Variants in CCDC152 observed in about 807,000 individuals in gnomAD.
CCDC152 encodes coiled-coil domain-containing protein 152.
In CCDC152, 37 loss-of-function variants were observed where a neutral mutation model predicts 38.1. The observed-to-expected ratio is 0.97, with a 90% CI of 0.75 to 1.28. The LOEUF is 1.28. Ranked by LOEUF, CCDC152 falls within the 50% of genes most tolerant of loss-of-function variation. The pLI is 0.00. For synonymous variants in CCDC152, 83 were observed against 87.1 expected (o/e 0.95, Z 0.26); for missense variants, 259 against 292.1 (o/e 0.89, Z 0.83).
At chr5:42,798,073 C>T (rs1202389944) in intron 7 of CCDC152, among the ~76,000 whole-genome samples, 2 of 152,154 alleles carry the variant, frequency 1.3e-5, no homozygotes, top group African/African-American at 2.4e-5. Flanking sequence ...ATCACTTGAA[C>T]CCGGGAGGCA....
chr5:42,783,185 AAAAT>A (rs1439237419), intron 5 of CCDC152, among the ~76,000 whole-genome samples: 1 of 152,146 alleles, frequency 6.6e-6, no homozygotes, highest in East Asian at 1.9e-4. Flanking sequence ...TTTAAATTAA[AAAAT>A]AAATACTTTA....
chr5:42,767,950 G>T (rs546551914), intron 3 of CCDC152, among the ~76,000 whole-genome samples: 1 of 152,150 alleles, frequency 6.6e-6, no homozygotes, highest in Non-Finnish European at 1.5e-5. Context: ...TAATTTAACC[G>T]TTATTCTCTT....
intron 5 of CCDC152, among the ~76,000 whole-genome samples, chr5:42,782,496 A>G (rs888493120): frequency 4.6e-5 from 7 of 152,198 alleles, no homozygotes; most frequent in Admixed American, 1.3e-4. Context: ...TTCATGAAGC[A>G]GAGAGTAGAG....
intron 6 of CCDC152, among the ~76,000 whole-genome samples, chr5:42,784,717 A>G (rs188137056): frequency 1.1e-4 from 17 of 151,748 alleles, no homozygotes; most frequent in Non-Finnish European, 1.8e-4. Context: ...TTCTTTTAGG[A>G]TTTTTATAGT....
Position 42,800,621 on chromosome 5 carries a change from T to C in CCDC152, c.*840T>C. The C allele has an allele frequency of 7.3e-7, 1 of 1,379,018 alleles. No homozygotes were observed. Among genetic ancestry groups the C allele is most frequent in the South Asian group, 1.5e-5 (1 of 67,316 alleles). The allele number at this position is 1,379,018 out of a possible 1,614,324, so 85.4% of individuals were successfully genotyped here. ...AGATTTCTCCATGTTTGCACAAATC[T>C]AATTTCTATTTTTGGTTCACTAATT... is the stretch of plus-strand genomic sequence containing the variant. On this transcript the variant is annotated 3_prime_UTR_variant, in exon 9 of 9. Coordinates refer to ENST00000361970, the MANE Select transcript of CCDC152 (RefSeq NM_001134848.2).
At chr5:42,766,812 A>C (rs1759630207) in intron 3 of CCDC152, among the ~76,000 whole-genome samples, 1 of 147,862 alleles carries the variant, frequency 6.8e-6, no homozygotes, top group Admixed American at 6.8e-5. Context: ...GAGTATAAAA[A>C]AATAGAAAGA....
At chr5:42,787,827 T>C (rs1452060441) in intron 6 of CCDC152, among the ~76,000 whole-genome samples, 1 of 152,208 alleles carries the variant, frequency 6.6e-6, no homozygotes, top group Non-Finnish European at 1.5e-5. Context: ...CCCTTTACTT[T>C]GAACCTATGG....
chr5:42,784,897 G>T (rs1759898727), intron 6 of CCDC152, among the ~76,000 whole-genome samples: 1 of 151,746 alleles, frequency 6.6e-6, no homozygotes, highest in African/African-American at 2.4e-5. Context: ...TAGAATTTTT[G>T]AACATTAGTT....
At chr5:42,777,647 C>T (rs545940330) in intron 4 of CCDC152, among the ~76,000 whole-genome samples, 34 of 152,288 alleles carry the variant, frequency 2.2e-4, no homozygotes, top group Non-Finnish European at 5.9e-5. Flanking sequence ...AAGTGTAACA[C>T]TTTTCCTATC....
At chr5:42,795,744 A>G (rs1203810207) in intron 6 of CCDC152, among the ~76,000 whole-genome samples, 1 of 152,200 alleles carries the variant, frequency 6.6e-6, no homozygotes, top group African/African-American at 2.4e-5. Context: ...TACTGGGTAT[A>G]TACCCAAAGG....
chr5:42,784,969 A>G (rs1181904632), intron 6 of CCDC152, among the ~76,000 whole-genome samples: 2 of 151,810 alleles, frequency 1.3e-5, no homozygotes, highest in African/African-American at 4.8e-5. Flanking sequence ...CTATGTTTCC[A>G]TTTTTGTACT....
intron 6 of CCDC152, among the ~76,000 whole-genome samples, chr5:42,784,061 A>G (rs1481625573): frequency 6.6e-6 from 1 of 152,166 alleles, no homozygotes; most frequent in Non-Finnish European, 1.5e-5. Flanking sequence ...TGCAAGTACA[A>G]GTGTCTTTTT....
At chr5:42,797,351 C>T (rs1336495067) in intron 7 of CCDC152, among the ~76,000 whole-genome samples, 1 of 152,222 alleles carries the variant, frequency 6.6e-6, no homozygotes, top group Non-Finnish European at 1.5e-5. Context: ...ACTTTACTAC[C>T]AGTTCCTGTG....
At chr5:42,771,006 A>G (rs765250897) in intron 4 of CCDC152, among the ~76,000 whole-genome samples, 1 of 152,130 alleles carries the variant, frequency 6.6e-6, no homozygotes, top group East Asian at 1.9e-4. Flanking sequence ...TCTGTTTATT[A>G]GTTCTAATAG....
intron 4 of CCDC152, among the ~76,000 whole-genome samples, chr5:42,773,271 T>G (rs551581465): frequency 6.6e-6 from 1 of 152,324 alleles, no homozygotes; most frequent in Admixed American, 6.5e-5. Flanking sequence ...ATCTTTTCAG[T>G]AGGGACTTAT....
chr5:42,776,263 G>A (rs183075208), intron 4 of CCDC152, among the ~76,000 whole-genome samples: 8 of 152,208 alleles, frequency 5.3e-5, no homozygotes, highest in African/African-American at 1.4e-4. Flanking sequence ...AAGATATGCC[G>A]TGCTAACACT....
At chr5:42,774,557 C>G (rs1407408175) in intron 4 of CCDC152, among the ~76,000 whole-genome samples, 3 of 152,116 alleles carry the variant, frequency 2.0e-5, no homozygotes, top group Non-Finnish European at 4.4e-5. Context: ...CAACTCTAGC[C>G]CATTCTAGCC....
chr5:42,794,345 GC>G (rs1760045884), intron 6 of CCDC152, among the ~76,000 whole-genome samples: 3 of 152,272 alleles, frequency 2.0e-5, no homozygotes, highest in Admixed American at 2.0e-4. Context: ...GGTGCCCTAC[GC>G]CATTGAGCTT....
chr5:42,757,540 G>T (rs908095261), intron 1 of CCDC152, among the ~76,000 whole-genome samples: 5 of 152,190 alleles, frequency 3.3e-5, no homozygotes, highest in African/African-American at 1.2e-4. Context: ...AGTCTCTGCG[G>T]CTCACTAAGG....
Sources: gnomAD v4.1 joint callset for allele counts (sites outside exome capture counted in the v4.1 genomes callset) on GRCh38, gnomAD v4.1.1 for gene constraint, MANE v1.5 for transcripts, NCBI Gene and HGNC (gene_info 2026-07-23, HGNC 2026-07-21) for gene names.